SHKBP1: variants seen among roughly 807,000 people sequenced by gnomAD.
SHKBP1 encodes the protein SH3KBP1 binding protein 1.
SHKBP1 carries 71 observed loss-of-function variants against 83.9 expected under a neutral mutation model. The ratio of observed to expected loss-of-function variants is 0.85; its 90% CI spans 0.70 to 1.03. The LOEUF (loss-of-function observed/expected upper bound fraction) is 1.03, where lower values mean the gene tolerates loss of function less well. SHKBP1 is among the 50% of genes least tolerant of loss of function. The probability of loss-of-function intolerance (pLI) is 0.00; values close to 1 mark genes in which losing one functional copy is unlikely to be tolerated. For synonymous variants in SHKBP1, 371 were observed against 398.0 expected (o/e 0.93, Z 0.81); for missense variants, 824 against 982.4 (o/e 0.84, Z 2.16).
chr19:40,590,526 G>C lies in SHKBP1; in HGVS notation c.1768+104G>C. The C allele has an allele frequency of 2.1e-6, 3 of 1,395,582 alleles. No homozygotes were observed. The highest frequency in any genetic ancestry group is 2.9e-6 in the Non-Finnish European group (3 of 1,026,220). The allele number at this position is 1,395,582 out of a possible 1,614,324, so 86.4% of individuals were successfully genotyped here. A position where few individuals can be genotyped will look rare whatever the true frequency, so the allele number is the denominator to read the frequency against. ...TCTCTCTCCCAGGCCCTTGCCCTCT[G>C]ACCCCTTTTCCTTTGACCCCCTCTC... On this transcript the variant is annotated intron_variant, in intron 16 of 17. Transcript: ENST00000291842. The surrounding 1 kb of genome is among the most constrained non-coding windows in gnomAD (Gnocchi z 4.6).
Position 40,588,602 on chromosome 19 carries a change from C to G in SHKBP1, c.1337-22C>G, listed in dbSNP as rs143777662. ...TGATGCCTGCACCAGGCCTGACTTC[C>G]TGCTCTCCTTGTGCCCCTCAGTCTG... On this transcript the variant is annotated intron_variant, in intron 13 of 17. Transcript: ENST00000291842. 3.9e-4 allele frequency: 627 copies of G among 1,613,908 alleles called. 2 individuals carry two copies. The African/African-American group carries it at 6.7e-3, about 17-fold the overall frequency.
Position 40,590,222 on chromosome 19 carries a change from C to T in SHKBP1, c.1590-22C>T, listed in dbSNP as rs374056219. On this transcript the variant is annotated intron_variant, in intron 15 of 17. Coordinates refer to ENST00000291842, the MANE Select transcript of SHKBP1 (RefSeq NM_138392.4). This position sits in a 1 kb window ranked among gnomAD's most constrained non-coding sequence, Gnocchi z 4.6. ...AAGGGTGAGAAAGCGAGGGTGACCA[C>T]CTCCCCCACTGCACCCCCCAGGGTG... 7 of 1,539,388 alleles carry T rather than the reference C, an allele frequency of 4.5e-6. No individual in the cohort carries two copies. Among genetic ancestry groups the T allele is most frequent in the Admixed American group, 3.9e-5 (2 of 51,648 alleles).
At chr19:40,577,087 GC>G (rs35684786) in intron 1 of SHKBP1, 102 bp downstream of exon 1, 556,055 of 1,028,716 alleles carry the variant, frequency 0.54, 103,015 homozygotes, top group Non-Finnish European at 0.55. Context: ...GGGTTGCTCC[GC>G]CCCCCCCCCC....
intron 10 of SHKBP1, 30 bp from the exon 11 acceptor site, chr19:40,583,368 C>T (rs11672651): frequency 0.072 from 110,705 of 1,531,948 alleles, 4,421 homozygotes; most frequent in Middle Eastern, 0.1. Flanking sequence ...GAAGGGCTCC[C>T]GGCTGCAGCC....
rs1259690625 is a variant in SHKBP1 at position 40,580,907 on chromosome 19, T to C, written c.815T>C (p.Leu272Pro). 4 of 1,592,974 alleles carry C rather than the reference T, an allele frequency of 2.5e-6. No homozygotes were observed. Among genetic ancestry groups the C allele is most frequent in the Non-Finnish European group, 3.4e-6 (4 of 1,168,588 alleles). Residue 272 changes from leucine to proline, a missense_variant, in exon 9 of 18, where the codon CTG becomes CCG. Physicochemically the swap from Leu to Pro is moderately conservative, Grantham distance 98. Around this residue, in one of 3 missense-constraint regions of SHKBP1, gnomAD observed 355 missense variants for 386.4 expected, o/e 0.92. Coordinates refer to ENST00000291842, the MANE Select transcript of SHKBP1 (RefSeq NM_138392.4). ...ATGSEILLWA[L>P]QAEGGGSEIG... ...GGCAGCGAGATCCTGCTATGGGCTC[T>C]GCAGGCGGAAGGCGGTGGCTCCGAG...
At position 40,577,262 on chromosome 19, in the gene SHKBP1, A is replaced by G. The variant is rs1450620980; in HGVS notation, c.118A>G (p.Ile40Val). The G allele has an allele frequency of 6.2e-7, 1 of 1,614,002 alleles. No individual in the cohort carries two copies. The highest frequency in any genetic ancestry group is 1.7e-5 in the Admixed American group (1 of 60,000). Residue 40 changes from isoleucine to valine, a missense_variant, in exon 2 of 18, where the codon ATC becomes GTC. Transcript: ENST00000291842. The stretch of plus-strand genomic sequence containing the variant: ...TACCTCTCGCCAGACTCTCACCTGG[A>G]TCCCAGACTCCTTCTTCTCCAGGTG... ...FSTSRQTLTW[I>V]PDSFFSSLLS...
chr19:40,583,387 C>T lies in SHKBP1; in HGVS notation c.961-11C>T. On this transcript the variant is annotated splice_polypyrimidine_tract_variant and intron_variant, in intron 10 of 17. Coordinates refer to ENST00000291842, the MANE Select transcript of SHKBP1 (RefSeq NM_138392.4). ...GGCTCCCGGCTGCAGCCTGTCCTGC[C>T]CCACCCCCAGGTCCAGGAGGTGCAG... The T allele has an allele frequency of 6.4e-7, 1 of 1,563,886 alleles. No homozygotes were observed. Among genetic ancestry groups the T allele is most frequent in the East Asian group, 2.4e-5 (1 of 42,198 alleles).
Position 40,582,021 on chromosome 19 carries a change from C to T in SHKBP1, c.845-330C>T, listed in dbSNP as rs575569965. Among the ~76,000 whole-genome samples, 147 of 151,812 alleles carry T rather than the reference C, an allele frequency of 9.7e-4. 1 individual carries two copies. The highest frequency in any genetic ancestry group is 3.4e-3 in the African/African-American group (139 of 41,390). ...CTGCAACCTCTGCCTCCTGGGGTCA[C>T]GCAATTCTCCTTCCTCAACCTCCCA... On this transcript the variant is annotated intron_variant, in intron 9 of 17. Coordinates refer to ENST00000291842, the MANE Select transcript of SHKBP1 (RefSeq NM_138392.4).
rs60115762 is a variant in SHKBP1, at chr19:40,590,005, A to G, written c.1590-239A>G. Among the ~76,000 whole-genome samples the G allele has an allele frequency of 0.017, 2,595 of 152,078 alleles. 81 individuals carry two copies. The highest frequency in any genetic ancestry group is 0.057 in the African/African-American group (2,350 of 41,450). ...TGGGGGAGCAGCTGGGACGGGCCTC[A>G]GGTCTTCCCTGCAGTGGGAGCAGGG... On this transcript the variant is annotated intron_variant, in intron 15 of 17. Transcript: ENST00000291842. This position sits in a 1 kb window ranked among gnomAD's most constrained non-coding sequence, Gnocchi z 4.6.
In SHKBP1 at chr19:40,591,105, G is replaced by C; in HGVS notation, c.2022G>C (p.Gly674=). 6.2e-7 allele frequency: 1 copy of C among 1,610,820 alleles called. No individual in the cohort carries two copies. The highest frequency in any genetic ancestry group is 8.5e-7 in the Non-Finnish European group (1 of 1,177,520). ...VERCQELVRS[G]PDLRRPPTPA... is the part of the protein sequence containing the mutation. ...GCTGCCAGGAACTGGTGCGGAGTGG[G>C]CCAGACCTCCGACGGCCACCCACAC... Residue 674 remains glycine (G), a synonymous_variant, in exon 18 of 18, where the codon GGG becomes GGC. Transcript: ENST00000291842.
chr19:40,582,534 T>G lies in SHKBP1; in HGVS notation c.960+68T>G. 2.2e-6 allele frequency: 3 copies of G among 1,361,648 alleles called. No individual in the cohort carries two copies. In the South Asian group the frequency reaches 3.6e-5, roughly 17 times the overall value. The allele number at this position is 1,361,648 out of a possible 1,614,324, so 84.3% of individuals were successfully genotyped here. A position where few individuals can be genotyped will look rare whatever the true frequency, so the allele number is the denominator to read the frequency against. Reference sequence around the variant, plus strand: ...CAGACTGTACAGACCCAGGAAGGGGTTCACGTCTGCCCCCACCCCCACCCC... The same window carrying G: ...CAGACTGTACAGACCCAGGAAGGGGGTCACGTCTGCCCCCACCCCCACCCC... On this transcript the variant is annotated intron_variant, in intron 10 of 17. Transcript: ENST00000291842.
Position 40,576,998 on chromosome 19 carries a change from G to C in SHKBP1, c.86+13G>C, listed in dbSNP as rs774407651. The C allele has an allele frequency of 6.7e-7, 1 of 1,497,534 alleles. No homozygotes were observed. Among genetic ancestry groups the C allele is most frequent in the Non-Finnish European group, 9.0e-7 (1 of 1,113,990 alleles). The allele number at this position is 1,497,534 out of a possible 1,614,324, so 92.8% of individuals were successfully genotyped here. A position where few individuals can be genotyped will look rare whatever the true frequency, so the allele number is the denominator to read the frequency against. The stretch of plus-strand genomic sequence containing the variant: ...TGGGAGGCAAGAGGTGAGTGTGGGA[G>C]ACTCCTGAGGTCCCATCCTCGGGGG... On this transcript the variant is annotated intron_variant, in intron 1 of 17. Transcript: ENST00000291842.
At chr19:40,577,517 GC>G (rs1297740757) in intron 3 of SHKBP1, 39 bp from the exon 4 acceptor site, 1 of 1,614,044 alleles carries the variant, frequency 6.2e-7, no homozygotes, top group Non-Finnish European at 8.5e-7. Context: ...ACTCAGTCCT[GC>G]CTTTTACCCC....
Position 40,591,261 on chromosome 19 carries a change from G to T in SHKBP1, c.*54G>T. On this transcript the variant is annotated 3_prime_UTR_variant, in exon 18 of 18. Coordinates refer to ENST00000291842, the MANE Select transcript of SHKBP1 (RefSeq NM_138392.4). The stretch of plus-strand genomic sequence containing the variant: ...TGCCCTGGTCCTGGGGGACTCAGGT[G>T]CCTCCCTGATTCCTGTGGGAACCCC... 2 of 1,463,108 alleles carry T rather than the reference G, an allele frequency of 1.4e-6. No individual in the cohort carries two copies. Among genetic ancestry groups the T allele is most frequent in the Non-Finnish European group, 1.8e-6 (2 of 1,086,034 alleles). The allele number at this position is 1,463,108 out of a possible 1,614,324, so 90.6% of individuals were successfully genotyped here. A position where few individuals can be genotyped will look rare whatever the true frequency, so the allele number is the denominator to read the frequency against.
chr19:40,583,358 G>T, intron 10 of SHKBP1, 40 bp from the exon 11 acceptor site: 1 of 1,510,528 alleles, frequency 6.6e-7, no homozygotes. Context: ...GAAAGGAATG[G>T]AAGGGCTCCC....
At chr19:40,578,564 G>A (rs746608426) in intron 6 of SHKBP1, 22 bp downstream of exon 6, 1 of 1,590,108 alleles carries the variant, frequency 6.3e-7, no homozygotes, top group Non-Finnish European at 8.6e-7. Flanking sequence ...CAATGGAATG[G>A]AGGGGCGCGG....
chr19:40,587,600 T>C (rs978600935), intron 13 of SHKBP1, among the ~76,000 whole-genome samples: 2 of 151,286 alleles, frequency 1.3e-5, no homozygotes, highest in South Asian at 2.1e-4. Flanking sequence ...CAAAAATAAA[T>C]AGATAAAAAT....
In SHKBP1 at chr19:40,590,545, C is replaced by T. The variant is rs2081350115; in HGVS notation, c.1768+123C>T. ...CCCTCTGACCCCTTTTCCTTTGACCCCCTCTCTGCTCCCCATCCCTTCCTG... is the reference window on the plus strand; with the variant it reads ...CCCTCTGACCCCTTTTCCTTTGACCTCCTCTCTGCTCCCCATCCCTTCCTG... On this transcript the variant is annotated intron_variant, in intron 16 of 17. Transcript: ENST00000291842. The surrounding 1 kb of genome is among the most constrained non-coding windows in gnomAD (Gnocchi z 4.6). 3 of 1,292,520 alleles carry T rather than the reference C, an allele frequency of 2.3e-6. No homozygotes were observed. Among genetic ancestry groups the T allele is most frequent in the African/African-American group, 3.0e-5 (2 of 67,430 alleles). The allele number at this position is 1,292,520 out of a possible 1,614,324, so 80.1% of individuals were successfully genotyped here. A position where few individuals can be genotyped will look rare whatever the true frequency, so the allele number is the denominator to read the frequency against.
chr19:40,578,562 T>C lies in SHKBP1; in HGVS notation c.400+20T>C. On this transcript the variant is annotated intron_variant, in intron 6 of 17. Transcript: ENST00000291842. ...CACCAGGTAGGCACTCCCAATGGAA[T>C]GGAGGGGCGCGGAGGTGGGCCAAAG... 1 of 1,598,708 alleles carries C rather than the reference T, an allele frequency of 6.3e-7. No individual in the cohort carries two copies. Among genetic ancestry groups the C allele is most frequent in the Non-Finnish European group, 8.5e-7 (1 of 1,171,620 alleles).
Sources: allele counts gnomAD v4.1 joint callset (sites outside exome capture counted in the v4.1 genomes callset), GRCh38; gene constraint gnomAD v4.1.1; regional missense constraint gnomAD v4.1.1; non-coding constraint Gnocchi (gnomAD v3.1); transcripts MANE v1.5; gene names NCBI Gene and HGNC (gene_info 2026-07-23, HGNC 2026-07-21).